The following COA1 variants were observed in gnomAD, a reference collection of about 807,000 sequenced individuals.
COA1 encodes the protein cytochrome c oxidase assembly factor 1, also known as cytochrome c oxidase assembly factor 1 homolog.
Under a neutral mutation model 16.0 loss-of-function variants are expected in COA1, and 13 were observed. The observed-to-expected ratio is 0.81, with a 90% CI of 0.53 to 1.29. The LOEUF (loss-of-function observed/expected upper bound fraction) is 1.29. COA1 is among the 50% of genes most tolerant of loss of function. COA1 has a pLI of 0.00. For missense variants in COA1, 179 were observed against 177.0 expected, an observed-to-expected ratio of 1.01 and a Z score of -0.06; for synonymous variants, 65 against 65.7, an observed-to-expected ratio of 0.99 and a Z score of 0.05.
chr7:43,667,475 A>G (rs1317133879), intron 1 of COA1, among the ~76,000 whole-genome samples: 1 of 152,232 alleles, frequency 6.6e-6, no homozygotes, highest in Non-Finnish European at 1.5e-5. Flanking sequence ...GCTATCAATC[A>G]TAATTAAGGG....
At chr7:43,648,171 C>A in intron 2 of COA1, 2 of 221,166 alleles carry the variant, frequency 9.0e-6, no homozygotes, top group Non-Finnish European at 9.1e-6. Context: ...TCGGTAAATA[C>A]AGCATACCAT....
chr7:43,726,578 T>G (rs1027904112), intron 1 of COA1, among the ~76,000 whole-genome samples: 19 of 152,250 alleles, frequency 1.2e-4, no homozygotes, highest in African/African-American at 4.1e-4. Context: ...AAGTTTTTCC[T>G]TGCTTCATTT....
intron 6 of COA1, among the ~76,000 whole-genome samples, chr7:43,612,399 C>T (rs1001792097): frequency 6.6e-6 from 1 of 152,222 alleles, no homozygotes; most frequent in African/African-American, 2.4e-5. Context: ...TGAAGTGAGT[C>T]TGCTGTCCTC....
rs555687203 is a variant in COA1, at chr7:43,614,157, C to A, written c.*134-4662G>T. On this transcript the variant is annotated intron_variant and NMD_transcript_variant, in intron 6 of 6. Transcript: ENST00000415076. ...ACCTCAACTTTACAATGATCTTAGCCGCCAAATCTTCTCCAGTGGTGATTG... is the reference window on the plus strand; with the variant it reads ...ACCTCAACTTTACAATGATCTTAGCAGCCAAATCTTCTCCAGTGGTGATTG... 4.6e-5 allele frequency among the ~76,000 whole-genome samples: 7 copies of A among 152,246 alleles called. No homozygotes were observed. In the South Asian group the frequency reaches 1.0e-3, roughly 23 times the overall value.
chr7:43,617,248 G>A (rs1322523836), intron 6 of COA1, among the ~76,000 whole-genome samples: 1 of 152,140 alleles, frequency 6.6e-6, no homozygotes, highest in Non-Finnish European at 1.5e-5. Context: ...AAGAGCAATG[G>A]GAGGCTGTGG....
intron 1 of COA1, among the ~76,000 whole-genome samples, chr7:43,668,697 T>A (rs2093046803): frequency 6.6e-6 from 1 of 152,230 alleles, no homozygotes; most frequent in Non-Finnish European, 1.5e-5. Context: ...AATATGCTGG[T>A]TCTGGGCAAT....
At chr7:43,691,445 GAAAGAA>G (rs1554542810) in intron 1 of COA1, among the ~76,000 whole-genome samples, 4 of 144,322 alleles carry the variant, frequency 2.8e-5, no homozygotes, top group African/African-American at 1.1e-4. Flanking sequence ...AAGAAAGAAA[GAAAGAA>G]AGAAAGAAAG....
intron 1 of COA1, among the ~76,000 whole-genome samples, chr7:43,709,434 T>TTGTGTGTGTGTGTGTG (rs59823123): frequency 4.8e-4 from 69 of 144,990 alleles, no homozygotes; most frequent in South Asian, 1.8e-3. Context: ...CTTTGTTTTA[T>TTGTGTGTGTGTGTGTG]TGTGTGTGTG....
At chr7:43,684,360 A>T (rs2093917177) in intron 1 of COA1, among the ~76,000 whole-genome samples, 2 of 152,120 alleles carry the variant, frequency 1.3e-5, no homozygotes, top group Non-Finnish European at 2.9e-5. Flanking sequence ...CCCCTGAACT[A>T]GGGTCCTACA....
At chr7:43,724,986 C>T (rs990106248) in intron 1 of COA1, among the ~76,000 whole-genome samples, 3 of 152,236 alleles carry the variant, frequency 2.0e-5, no homozygotes, top group Non-Finnish European at 4.4e-5. Context: ...CGCCTGCAAT[C>T]CCAGCACTTT....
At chr7:43,692,139 T>C (rs2094391494) in intron 1 of COA1, among the ~76,000 whole-genome samples, 1 of 152,214 alleles carries the variant, frequency 6.6e-6, no homozygotes, top group African/African-American at 2.4e-5. Context: ...TCTGATCCTC[T>C]GTGATGGGCC....
chr7:43,723,117 A>T (rs978654450), intron 1 of COA1, among the ~76,000 whole-genome samples: 1 of 152,220 alleles, frequency 6.6e-6, no homozygotes, highest in Non-Finnish European at 1.5e-5. Context: ...AGGTTGGTAG[A>T]AAGGGTGTAA....
At chr7:43,709,026 T>C (rs2095109889) in intron 1 of COA1, among the ~76,000 whole-genome samples, 1 of 146,244 alleles carries the variant, frequency 6.8e-6, no homozygotes, top group African/African-American at 2.4e-5. Context: ...TCTCCTATAA[T>C]CTTTTTTTTT....
At chr7:43,709,667 C>T (rs976706934) in intron 1 of COA1, among the ~76,000 whole-genome samples, 11 of 152,142 alleles carry the variant, frequency 7.2e-5, no homozygotes, top group Non-Finnish European at 1.2e-4. Context: ...CAATATAACA[C>T]TGTCTTTGTT....
chr7:43,675,595 TATA>T (rs1268646138), intron 1 of COA1, among the ~76,000 whole-genome samples: 2 of 152,186 alleles, frequency 1.3e-5, no homozygotes, highest in African/African-American at 2.4e-5. Context: ...AAACTTAAAG[TATA>T]ATAATAATAA....
chr7:43,615,896 G>C (rs982511416), intron 6 of COA1, among the ~76,000 whole-genome samples: 2 of 152,082 alleles, frequency 1.3e-5, no homozygotes, highest in Non-Finnish European at 2.9e-5. Flanking sequence ...TGCCTTCTTA[G>C]AGAGGCCTTC....
rs529062973 is a variant in COA1, at chr7:43,695,342, C to T, written c.-39+34087G>A. On this transcript the variant is annotated intron_variant, in intron 1 of 5. Transcript: ENST00000223336. ...TTTTACCTCCTTACTCCCTCTAATC[C>T]AGTCACACTGATCTCCTTGCAGTTC... is the stretch of plus-strand genomic sequence containing the variant. 1.4e-4 allele frequency among the ~76,000 whole-genome samples: 22 copies of T among 152,162 alleles called. 1 individual carries two copies. The highest frequency in any genetic ancestry group is 4.1e-4 in the South Asian group (2 of 4,832).
At chr7:43,659,867 G>GA (rs1219010077) in intron 1 of COA1, among the ~76,000 whole-genome samples, 1 of 151,918 alleles carries the variant, frequency 6.6e-6, no homozygotes, top group African/African-American at 2.4e-5. Context: ...ACAGTATCTG[G>GA]AAAAAAGGTC....
intron 1 of COA1, among the ~76,000 whole-genome samples, chr7:43,688,924 A>G (rs1301740946): frequency 6.6e-6 from 1 of 152,198 alleles, no homozygotes; most frequent in Non-Finnish European, 1.5e-5. Flanking sequence ...TAAAAATGTA[A>G]TCTTTTTTTT....
Sources: gnomAD v4.1 joint callset for allele counts (sites outside exome capture counted in the v4.1 genomes callset) on GRCh38, gnomAD v4.1.1 for gene constraint, MANE v1.5 for transcripts, NCBI Gene and HGNC (gene_info 2026-07-23, HGNC 2026-07-21) for gene names.